Variants in KANSL1 observed in about 807,000 individuals in gnomAD.
KANSL1 encodes the protein KAT8 regulatory NSL complex subunit 1.
In KANSL1, 22 loss-of-function variants were observed where a neutral mutation model predicts 103.6. The ratio of observed to expected loss-of-function variants is 0.21; its 90% CI spans 0.15 to 0.30. The LOEUF (loss-of-function observed/expected upper bound fraction) is 0.30, where lower values mean the gene tolerates loss of function less well. Ranked by LOEUF, KANSL1 falls within the 10% of genes least tolerant of loss-of-function variation. The pLI, the probability that KANSL1 is intolerant of heterozygous loss-of-function variation, is 1.00. For missense variants in KANSL1, 1,337 were observed against 1,399.8 expected (o/e 0.96, Z 0.72); for synonymous variants, 600 against 527.6 (o/e 1.14, Z -1.88).
chr17:46,204,017 G>A (rs1272591341), intron 1 of KANSL1, among the ~76,000 whole-genome samples: 2 of 152,116 alleles, frequency 1.3e-5, no homozygotes, highest in African/African-American at 4.8e-5. Flanking sequence ...TCACGGGTAG[G>A]GGAGCAGGGG....
chr17:46,094,435 T>C, intron 3 of KANSL1, 125 bp downstream of exon 3: 1 of 1,178,568 alleles, frequency 8.5e-7, no homozygotes, highest in Non-Finnish European at 1.2e-6. Flanking sequence ...ATCAGGTCAT[T>C]AAACCATTTA....
intron 7 of KANSL1, chr17:46,046,181 A>C (rs1030884299): frequency 2.6e-5 from 4 of 152,182 alleles, no homozygotes; most frequent in African/African-American, 9.7e-5. Flanking sequence ...ATTTAGTTTT[A>C]GATAAGCCAC....
chr17:46,183,011 G>A (rs2046858868), intron 1 of KANSL1, among the ~76,000 whole-genome samples: 2 of 152,376 alleles, frequency 1.3e-5, no homozygotes, highest in South Asian at 2.1e-4. Flanking sequence ...AGGATGACAA[G>A]CAGCAGTAAA....
chr17:46,050,708 T>G lies in KANSL1; in HGVS notation c.1849-4A>C. On this transcript the variant is annotated splice_polypyrimidine_tract_variant and splice_region_variant and intron_variant, in intron 6 of 14. Transcript: ENST00000432791. ...GGATTGTGCTGTTCCGGTGAACCTG[T>G]GAAAAAAGCCAAACAAAACTGACAA... The G allele has an allele frequency of 6.2e-7, 1 of 1,603,772 alleles. No individual in the cohort carries two copies. Among genetic ancestry groups the G allele is most frequent in the Non-Finnish European group, 8.5e-7 (1 of 1,172,850 alleles).
chr17:46,199,736 CTG>C (rs1314515105), intron 1 of KANSL1, among the ~76,000 whole-genome samples: 1 of 152,226 alleles, frequency 6.6e-6, no homozygotes, highest in Non-Finnish European at 1.5e-5. Context: ...CCTAATTTAA[CTG>C]TGTTAGTAAT....
At chr17:46,109,321 C>T (rs1267080499) in intron 2 of KANSL1, among the ~76,000 whole-genome samples, 2 of 152,136 alleles carry the variant, frequency 1.3e-5, no homozygotes, top group African/African-American at 2.4e-5. Flanking sequence ...AAAACGTTTC[C>T]GCTTTTACAC....
chr17:46,211,680 T>A (rs140912760), intron 1 of KANSL1, among the ~76,000 whole-genome samples: 1 of 152,246 alleles, frequency 6.6e-6, no homozygotes, highest in African/African-American at 2.4e-5. Context: ...GCATCTTCAG[T>A]TGAGAAACAT....
intron 2 of KANSL1, among the ~76,000 whole-genome samples, chr17:46,095,397 C>CA: frequency 6.6e-6 from 1 of 152,196 alleles, no homozygotes; most frequent in East Asian, 1.9e-4. Flanking sequence ...TGCAAATACA[C>CA]ATTACCAGAC....
intron 2 of KANSL1, among the ~76,000 whole-genome samples, chr17:46,128,240 C>G (rs2043671018): frequency 6.6e-6 from 1 of 152,204 alleles, no homozygotes; most frequent in African/African-American, 2.4e-5. Flanking sequence ...GCCACACTGG[C>G]AGAGACCAAA....
At position 46,032,297 on chromosome 17, in the gene KANSL1, G is replaced by A; in HGVS notation, c.2840C>T (p.Ser947Phe). 7.3e-6 allele frequency: 11 copies of A among 1,511,880 alleles called. No individual in the cohort carries two copies. Among genetic ancestry groups the A allele is most frequent in the Non-Finnish European group, 9.7e-6 (11 of 1,132,048 alleles). The allele number at this position is 1,511,880 out of a possible 1,614,324, so 93.7% of individuals were successfully genotyped here. A position where few individuals can be genotyped will look rare whatever the true frequency, so the allele number is the denominator to read the frequency against. ...SVPPQRRGSR[S>F]YRSSDGRTTP... is the part of the protein sequence containing the mutation. ...TGTCCGGCCGTCTGATGACCTGTAG[G>A]ACCTGCACACCAAGGAATGCAAATC... Residue 947 changes from serine to phenylalanine, a missense_variant and splice_region_variant, in exon 14 of 15, where the codon TCC (serine) becomes TTC (phenylalanine). Physicochemically the swap from Ser to Phe is radical, Grantham distance 155. This residue lies in a region of KANSL1 where 780 missense variants were observed against 923.4 expected (regional missense o/e 0.84). Transcript: ENST00000432791.
intron 1 of KANSL1, among the ~76,000 whole-genome samples, chr17:46,192,042 A>C (rs896675300): frequency 6.6e-6 from 1 of 152,212 alleles, no homozygotes; most frequent in African/African-American, 2.4e-5. Flanking sequence ...AGAGCAATTT[A>C]AAGTGGCGCC....
chr17:46,111,979 T>C (rs1468128175), intron 2 of KANSL1, among the ~76,000 whole-genome samples: 2 of 152,226 alleles, frequency 1.3e-5, no homozygotes, highest in Admixed American at 1.3e-4. Context: ...AATACAATAA[T>C]GTTTACTATC....
At chr17:46,207,591 AC>A (rs1468559520) in intron 1 of KANSL1, among the ~76,000 whole-genome samples, 1 of 147,446 alleles carries the variant, frequency 6.8e-6, no homozygotes, top group Non-Finnish European at 1.5e-5. Context: ...AGCCTAAAAA[AC>A]AATAGTGTAT....
In KANSL1 at chr17:46,171,980, G is replaced by A. The variant is rs1213319847; in HGVS notation, c.164C>T (p.Ala55Val). Reference protein sequence around the residue: ...AANGTKRKAIAAEDPSLDFRN... With the variant: ...AANGTKRKAIVAEDPSLDFRN... The stretch of plus-strand genomic sequence containing the variant: ...GAAATCTAGGCTGGGATCCTCTGCA[G>A]CAATGGCTTTTCTTTTGGTTCCGTT... The change falls in exon 2 of 15, where the codon GCT becomes GTT. Residue 55 changes from alanine to valine, a missense_variant. Physicochemically the swap from Ala to Val is moderately conservative, Grantham distance 64 (BLOSUM62 0). This residue lies in a region of KANSL1 where 557 missense variants were observed against 476.4 expected (regional missense o/e 1.17). Coordinates refer to ENST00000432791, the MANE Select transcript of KANSL1 (RefSeq NM_015443.4). 1.9e-6 allele frequency: 3 copies of A among 1,614,274 alleles called. No individual in the cohort carries two copies. Among genetic ancestry groups the A allele is most frequent in the Non-Finnish European group, 2.5e-6 (3 of 1,180,050 alleles).
rs552880855 is a variant in KANSL1, at chr17:46,100,350, T to C, written c.1290-5649A>G. ...TACATAGGAGGCTGAGGCAGGAGAA[T>C]TGCTTGAATCCAGGAGGTGACGGAG... On this transcript the variant is annotated intron_variant, in intron 2 of 14. Transcript: ENST00000432791. Among the ~76,000 whole-genome samples the C allele has an allele frequency of 2.0e-3, 296 of 151,042 alleles. 1 individual carries two copies. Among genetic ancestry groups the C allele is most frequent in the Non-Finnish European group, 2.6e-3 (178 of 67,764 alleles).
intron 4 of KANSL1, among the ~76,000 whole-genome samples, chr17:46,073,748 T>C (rs1345295155): frequency 6.6e-6 from 1 of 152,064 alleles, no homozygotes; most frequent in Non-Finnish European, 1.5e-5. Flanking sequence ...TGGAAGGAAA[T>C]AACTAACCTA....
At chr17:46,116,225 C>T (rs2043039518) in intron 2 of KANSL1, among the ~76,000 whole-genome samples, 1 of 152,144 alleles carries the variant, frequency 6.6e-6, no homozygotes, top group Non-Finnish European at 1.5e-5. Flanking sequence ...AGGAAACAGA[C>T]ATACAGTCAA....
At chr17:46,219,764 G>A (rs1259854070) in intron 1 of KANSL1, among the ~76,000 whole-genome samples, 1 of 152,242 alleles carries the variant, frequency 6.6e-6, no homozygotes, top group Admixed American at 6.5e-5. Context: ...ACATGTCCTA[G>A]ATTATGGGCC....
At chr17:46,208,683 G>A (rs1012396948) in intron 1 of KANSL1, among the ~76,000 whole-genome samples, 2 of 149,526 alleles carry the variant, frequency 1.3e-5, no homozygotes, top group Non-Finnish European at 3.0e-5. Context: ...CCTGATCTTA[G>A]AGACAGGATC....
Sources: allele counts gnomAD v4.1 joint callset (sites outside exome capture counted in the v4.1 genomes callset), GRCh38; gene constraint gnomAD v4.1.1; regional missense constraint gnomAD v4.1.1; transcripts MANE v1.5; gene names NCBI Gene and HGNC (gene_info 2026-07-23, HGNC 2026-07-21).